SLC9A1: variants seen among roughly 807,000 people sequenced by gnomAD.
The protein encoded by SLC9A1 is solute carrier family 9 member A1.
Under a neutral mutation model 67.9 loss-of-function variants are expected in SLC9A1, and 22 were observed. The ratio of observed to expected loss-of-function variants is 0.32; its 90% confidence interval spans 0.23 to 0.46. The LOEUF (loss-of-function observed/expected upper bound fraction) is 0.46, where lower values mean the gene tolerates loss of function less well. Among genes scored for constraint, SLC9A1 ranks in the 20% least tolerant of loss-of-function variants. The pLI is 1.00. For missense variants in SLC9A1, 686 were observed against 1,094.8 expected (o/e 0.63, Z 5.27); for synonymous variants, 421 against 471.8 (o/e 0.89, Z 1.40).
intron 6 of SLC9A1, 187 bp from the exon 7 acceptor site, chr1:27,102,930 C>T (rs1000100906): frequency 3.2e-6 from 2 of 633,452 alleles, no homozygotes; most frequent in Admixed American, 2.6e-5. Flanking sequence ...CTGGGTATCT[C>T]GAAGCCTTGC....
rs557472595 is a variant in SLC9A1 at position 27,103,400 on chromosome 1, A to G, written c.1486-88T>C. On this transcript the variant is annotated intron_variant, in intron 5 of 11. Transcript: ENST00000263980. ...CTCCCTCCCTCACCCCAGGCCCCCA[A>G]GGCTAGGATGCCCTCTCTGCTCTGC... is the stretch of plus-strand genomic sequence containing the variant. The G allele has an allele frequency of 1.4e-4, 128 of 910,212 alleles. 1 individual carries two copies. Among genetic ancestry groups the G allele is most frequent in the Middle Eastern group, 2.1e-4 (1 of 4,688 alleles). 56.4% of individuals were successfully genotyped at this position (910,212 alleles called of 1,614,324 possible).
At chr1:27,105,850 C>T (rs1418721391) in intron 5 of SLC9A1, 35 bp downstream of exon 5, 1 of 1,590,914 alleles carries the variant, frequency 6.3e-7, no homozygotes, top group Admixed American at 1.7e-5. Context: ...GTGAGGGTCC[C>T]CAAGGCAAGG....
chr1:27,122,975 T>A (rs1275355364), intron 1 of SLC9A1, among the ~76,000 whole-genome samples: 1 of 151,022 alleles, frequency 6.6e-6, no homozygotes, highest in East Asian at 1.9e-4. Context: ...AGTGGGGTGC[T>A]TACCTGGGGA....
chr1:27,136,709 G>A (rs943459680), intron 1 of SLC9A1, among the ~76,000 whole-genome samples: 14 of 152,002 alleles, frequency 9.2e-5, no homozygotes, highest in African/African-American at 2.2e-4. Context: ...CACAATCCCC[G>A]TCCCAAACAA....
chr1:27,151,081 A>C (rs368702542), intron 1 of SLC9A1, among the ~76,000 whole-genome samples: 93 of 152,156 alleles, frequency 6.1e-4, no homozygotes, highest in African/African-American at 2.2e-3. Context: ...CGCCATGACC[A>C]GCTCAAGTGA....
rs565651337 is a variant in SLC9A1 at position 27,103,388 on chromosome 1, C to T, written c.1486-76G>A. On this transcript the variant is annotated intron_variant, in intron 5 of 11. Coordinates refer to ENST00000263980, the MANE Select transcript of SLC9A1 (RefSeq NM_003047.5). The stretch of plus-strand genomic sequence containing the variant: ...AGGCCACAGAGCCTCCCTCCCTCAC[C>T]CCAGGCCCCCAAGGCTAGGATGCCC... 4.1e-5 allele frequency: 42 copies of T among 1,017,308 alleles called. No individual in the cohort carries two copies. The African/African-American group carries it at 6.0e-4, about 14-fold the overall frequency. The allele number at this position is 1,017,308 out of a possible 1,614,324, so 63.0% of individuals were successfully genotyped here.
At chr1:27,142,669 G>A (rs1261849716) in intron 1 of SLC9A1, among the ~76,000 whole-genome samples, 1 of 152,238 alleles carries the variant, frequency 6.6e-6, no homozygotes, top group Non-Finnish European at 1.5e-5. Context: ...CTGTGTGTGA[G>A]CTGGGCTCAC....
rs539531871 is a variant in SLC9A1, at chr1:27,107,882, C to T, written c.1065-17G>A. 338 of 1,566,758 alleles carry T rather than the reference C, an allele frequency of 2.2e-4. 2 individuals carry two copies. In the South Asian group the frequency reaches 3.6e-3, roughly 17 times the overall value. ...GCTATGAGCCTGGAGCAGGAAAGAG[C>T]GGGGTCAGGGCTCCGTGTCGAGCTG... On this transcript the variant is annotated splice_polypyrimidine_tract_variant and intron_variant, in intron 3 of 11. Coordinates refer to ENST00000263980, the MANE Select transcript of SLC9A1 (RefSeq NM_003047.5).
intron 1 of SLC9A1, among the ~76,000 whole-genome samples, chr1:27,125,228 C>T (rs997300890): frequency 3.1e-5 from 4 of 127,962 alleles, no homozygotes; most frequent in African/African-American, 1.2e-4. Flanking sequence ...TCCTTCCTTC[C>T]TTTTCTTTCT....
Position 27,154,435 on chromosome 1 carries a change from T to C in SLC9A1, c.-101A>G. 1 of 682,156 alleles carries C rather than the reference T, an allele frequency of 1.5e-6. No homozygotes were observed. The highest frequency in any genetic ancestry group is 2.4e-6 in the Non-Finnish European group (1 of 424,184). 42.3% of individuals were successfully genotyped at this position (682,156 alleles called of 1,614,324 possible). On this transcript the variant is annotated 5_prime_UTR_variant, in exon 1 of 12. Coordinates refer to ENST00000263980, the MANE Select transcript of SLC9A1 (RefSeq NM_003047.5). ...CAAGTGGGAAGAGAGACTGGCGTAG[T>C]CTCTAGGAAAAGTTCATGTTTTAGA...
rs2083331015 is a variant in SLC9A1, at chr1:27,124,950, T to C, written c.353-10664A>G. ...ATGGGGTGGACTGCAGAATGGCAAA[T>C]GCACAGGAGCTGGGTGCTCCTGACA... On this transcript the variant is annotated intron_variant, in intron 1 of 11. Coordinates refer to ENST00000263980, the MANE Select transcript of SLC9A1 (RefSeq NM_003047.5). Among the ~76,000 whole-genome samples, 3 of 152,026 alleles carry C rather than the reference T, an allele frequency of 2.0e-5. No homozygotes were observed. The South Asian group carries it at 6.2e-4, about 31-fold the overall frequency.
intron 1 of SLC9A1, among the ~76,000 whole-genome samples, chr1:27,129,233 G>T (rs1200168673): frequency 2.0e-5 from 3 of 152,164 alleles, no homozygotes; most frequent in African/African-American, 4.8e-5. Context: ...TCTCAAGGGG[G>T]TCCCCTAAGG....
chr1:27,125,813 G>A (rs1389639372), intron 1 of SLC9A1, among the ~76,000 whole-genome samples: 6 of 150,954 alleles, frequency 4.0e-5, no homozygotes, highest in South Asian at 2.1e-4. Context: ...GGGTGGTCTC[G>A]ATCTCTTGAC....
chr1:27,105,703 C>A (rs920230886), intron 5 of SLC9A1, 182 bp downstream of exon 5: 20 of 718,544 alleles, frequency 2.8e-5, no homozygotes, highest in Non-Finnish European at 4.9e-5. Context: ...TCACAATTCT[C>A]ACTTTACGAT....
intron 1 of SLC9A1, among the ~76,000 whole-genome samples, chr1:27,140,678 T>C (rs991774470): frequency 2.0e-5 from 3 of 152,196 alleles, no homozygotes; most frequent in African/African-American, 7.2e-5. Context: ...GCTGGGACTA[T>C]TTTTAAAACC....
chr1:27,105,250 G>A (rs907351495), intron 5 of SLC9A1, among the ~76,000 whole-genome samples: 1 of 152,110 alleles, frequency 6.6e-6, no homozygotes, highest in African/African-American at 2.4e-5. Context: ...CCTACAATGA[G>A]TTAGTAGCAA....
rs1049154136 is a variant in SLC9A1, at chr1:27,137,241, C to T, written c.352+16742G>A. 3.9e-5 allele frequency among the ~76,000 whole-genome samples: 6 copies of T among 152,234 alleles called. No individual in the cohort carries two copies. The highest frequency in any genetic ancestry group is 1.4e-4 in the African/African-American group (6 of 41,462). On this transcript the variant is annotated intron_variant, in intron 1 of 11. Coordinates refer to ENST00000263980, the MANE Select transcript of SLC9A1 (RefSeq NM_003047.5). The surrounding 1 kb of genome is among the most constrained non-coding windows in gnomAD (Gnocchi z 4.6). ...AAAGAAAGTGGGACAGGCAGGAGGCCGCCTCACCTCTGCGGAGGGAACGAT... is the reference window on the plus strand; with the variant it reads ...AAAGAAAGTGGGACAGGCAGGAGGCTGCCTCACCTCTGCGGAGGGAACGAT...
chr1:27,102,333 T>A lies in SLC9A1; in HGVS notation c.1820+52A>T, dbSNP rs2083152773. The A allele has an allele frequency of 3.9e-6, 6 of 1,549,146 alleles. No homozygotes were observed. The Admixed American group carries it at 1.1e-4, about 29-fold the overall frequency. ...CCCAGGTGGCCACCTCCAACCGGGCTTGAGGGGCCGGTGTGTGGGAGCAGA... is the reference window on the plus strand; with the variant it reads ...CCCAGGTGGCCACCTCCAACCGGGCATGAGGGGCCGGTGTGTGGGAGCAGA... On this transcript the variant is annotated intron_variant, in intron 8 of 11. Coordinates refer to ENST00000263980, the MANE Select transcript of SLC9A1 (RefSeq NM_003047.5).
At position 27,110,485 on chromosome 1, in the gene SLC9A1, C is replaced by T. The variant is rs145611023; in HGVS notation, c.814-708G>A. 6.9e-3 allele frequency among the ~76,000 whole-genome samples: 1,045 copies of T among 152,280 alleles called. 3 individuals carry two copies. Among genetic ancestry groups the T allele is most frequent in the Middle Eastern group, 0.014 (4 of 294 alleles). ...AGTTCAGATGCTATGGAATTAGAGG[C>T]TAAGGCATCCCTGTCTCCTGGACTG... On this transcript the variant is annotated intron_variant, in intron 2 of 11. Transcript: ENST00000263980.
Sources: allele counts gnomAD v4.1 joint callset (sites outside exome capture counted in the v4.1 genomes callset), GRCh38; gene constraint gnomAD v4.1.1; non-coding constraint Gnocchi (gnomAD v3.1); transcripts MANE v1.5; gene names NCBI Gene and HGNC (gene_info 2026-07-23, HGNC 2026-07-21).